The following TNIK variants were observed in gnomAD, a reference collection of about 807,000 sequenced individuals.
TNIK encodes TRAF2 and NCK interacting kinase, also known as TRAF2 and NCK-interacting protein kinase.
A neutral mutation model predicts 191.3 loss-of-function variants in TNIK; 49 were observed. That is an observed-to-expected ratio of 0.26 (90% CI 0.20 to 0.32). TNIK has a LOEUF of 0.32. Ranked by LOEUF, TNIK falls within the 10% of genes least tolerant of loss-of-function variation. TNIK has a pLI of 1.00. For synonymous variants in TNIK, 594 were observed against 600.9 expected (o/e 0.99, Z 0.17); for missense variants, 1,155 against 1,702.3 (o/e 0.68, Z 5.66).
intron 7 of TNIK, among the ~76,000 whole-genome samples, chr3:171,180,915 G>T (rs954492403): frequency 1.3e-5 from 2 of 152,174 alleles, no homozygotes; most frequent in African/African-American, 2.4e-5. Context: ...ACTCAATAAA[G>T]GTACTGAGAT....
intron 7 of TNIK, among the ~76,000 whole-genome samples, chr3:171,182,965 A>G (rs1024193776): frequency 1.3e-5 from 2 of 152,216 alleles, no homozygotes; most frequent in African/African-American, 2.4e-5. Flanking sequence ...TTCAATAAGG[A>G]AGAATATGCA....
chr3:171,319,450 A>C (rs550848820), intron 2 of TNIK, among the ~76,000 whole-genome samples: 27 of 152,272 alleles, frequency 1.8e-4, no homozygotes, highest in Non-Finnish European at 5.9e-5. Context: ...TACTACGGCT[A>C]ATAAAACATG....
intron 2 of TNIK, among the ~76,000 whole-genome samples, chr3:171,325,557 A>G (rs981918666): frequency 5.9e-5 from 9 of 152,148 alleles, no homozygotes; most frequent in Admixed American, 3.9e-4. Context: ...TTAATTCTAA[A>G]TTCAACTTAA....
Position 171,424,243 on chromosome 3 carries a change from C to T in TNIK, c.57+35764G>A, listed in dbSNP as rs547754308. The stretch of plus-strand genomic sequence containing the variant: ...AGACACATGAAAAAATGCTCATCAT[C>T]ACTTGCCATCAGAGAAATGCAAATC... On this transcript the variant is annotated intron_variant, in intron 1 of 32. Transcript: ENST00000436636. Among the ~76,000 whole-genome samples, 3 of 152,310 alleles carry T rather than the reference C, an allele frequency of 2.0e-5. No individual in the cohort carries two copies. The East Asian group carries it at 5.8e-4, about 29-fold the overall frequency.
At chr3:171,319,596 C>T (rs1350922449) in intron 2 of TNIK, among the ~76,000 whole-genome samples, 1 of 151,938 alleles carries the variant, frequency 6.6e-6, no homozygotes, top group Non-Finnish European at 1.5e-5. Flanking sequence ...CTGGCTGACC[C>T]GACAGACAAA....
intron 3 of TNIK, chr3:171,225,749 T>C (rs1211121051): frequency 2.5e-6 from 1 of 398,694 alleles, no homozygotes; most frequent in Non-Finnish European, 5.0e-6. Context: ...CTTGTGAGGC[T>C]TTAAATTGTT....
intron 2 of TNIK, among the ~76,000 whole-genome samples, chr3:171,353,904 G>T (rs1008046059): frequency 2.6e-5 from 4 of 152,060 alleles, no homozygotes; most frequent in Non-Finnish European, 4.4e-5. Context: ...TAATATCTAT[G>T]ATTTCTTAAA....
At chr3:171,321,316 T>C (rs966682435) in intron 2 of TNIK, among the ~76,000 whole-genome samples, 10 of 152,208 alleles carry the variant, frequency 6.6e-5, no homozygotes, top group African/African-American at 2.4e-4. Context: ...AGAAGGACTT[T>C]CTTTTGGCTA....
Position 171,142,279 on chromosome 3 carries a change from C to G in TNIK, c.1222-1770G>C, listed in dbSNP as rs950149231. Among the ~76,000 whole-genome samples, 57 of 152,296 alleles carry G rather than the reference C, an allele frequency of 3.7e-4. 2 individuals carry two copies. Among genetic ancestry groups the G allele is most frequent in the African/African-American group, 1.3e-3 (53 of 41,556 alleles). On this transcript the variant is annotated intron_variant, in intron 12 of 32. Transcript: ENST00000436636. The stretch of plus-strand genomic sequence containing the variant: ...CCATGAAAAGGGGCAAGACTAGAAG[C>G]TGAAAAGCAGTGCAAGGCCATTCTG...
intron 2 of TNIK, among the ~76,000 whole-genome samples, chr3:171,253,589 T>TCCCCCCCCCC (rs67388870): frequency 1.6e-5 from 2 of 121,542 alleles, no homozygotes; most frequent in Non-Finnish European, 3.4e-5. Context: ...AGAAGACAGG[T>TCCCCCCCCCC]CCCCCCCCCA....
At chr3:171,138,706 G>A (rs139748588) in intron 14 of TNIK, among the ~76,000 whole-genome samples, 13 of 151,926 alleles carry the variant, frequency 8.6e-5, no homozygotes, top group East Asian at 3.9e-4. Context: ...TTAAATGGTC[G>A]GCATACAACT....
At chr3:171,166,735 G>A (rs1734663286) in intron 10 of TNIK, among the ~76,000 whole-genome samples, 1 of 152,134 alleles carries the variant, frequency 6.6e-6, no homozygotes, top group Non-Finnish European at 1.5e-5. Flanking sequence ...TCAACTAGAT[G>A]AATTTTTTTC....
chr3:171,237,229 C>G (rs142015154), intron 2 of TNIK, among the ~76,000 whole-genome samples: 86 of 152,266 alleles, frequency 5.6e-4, no homozygotes, highest in Non-Finnish European at 1.1e-3. Flanking sequence ...AATAAACCCT[C>G]TCCCACGGTG....
intron 2 of TNIK, among the ~76,000 whole-genome samples, chr3:171,312,624 T>G (rs1268751892): frequency 6.6e-6 from 1 of 152,008 alleles, no homozygotes; most frequent in Non-Finnish European, 1.5e-5. Context: ...TTAGCTGGGG[T>G]CTCTTTCCTG....
At position 171,110,869 on chromosome 3, in the gene TNIK, T is replaced by A. The variant is rs747491764; in HGVS notation, c.2129A>T (p.Asp710Val). 1.9e-6 allele frequency: 3 copies of A among 1,601,728 alleles called. No homozygotes were observed. The highest frequency in any genetic ancestry group is 1.7e-6 in the Non-Finnish European group (2 of 1,174,860). ...CAAGATGGGCTCAGTTCTCCGGAGA[T>A]CAGGGTTGCTGTGTGAGTGACAGAG... is the stretch of plus-strand genomic sequence containing the variant. ...GSQPIRASNPDLRRTEPILES... is the reference protein window; with the variant it reads ...GSQPIRASNPVLRRTEPILES... Residue 710 changes from aspartate (D) to valine (V), a missense_variant, in exon 19 of 33, where the codon GAT (aspartate) becomes GTT (valine). This residue lies in a region of TNIK where 735 missense variants were observed against 848.0 expected (regional missense o/e 0.87). Transcript: ENST00000436636.
chr3:171,432,496 A>T (rs1482593686), intron 1 of TNIK, among the ~76,000 whole-genome samples: 1 of 152,246 alleles, frequency 6.6e-6, no homozygotes, highest in Non-Finnish European at 1.5e-5. Context: ...TGCCTAAAAA[A>T]GTAATTTCCA....
Position 171,460,262 on chromosome 3 carries a change from G to A in TNIK, c.-199C>T, listed in dbSNP as rs2108754277. 1 of 662,136 alleles carries A rather than the reference G, an allele frequency of 1.5e-6. No individual in the cohort carries two copies. The allele number at this position is 662,136 out of a possible 1,614,324, so 41.0% of individuals were successfully genotyped here. On this transcript the variant is annotated 5_prime_UTR_variant, in exon 1 of 33. Coordinates refer to ENST00000436636, the MANE Select transcript of TNIK (RefSeq NM_015028.4). The surrounding 1 kb of genome is among the most constrained non-coding windows in gnomAD (Gnocchi z 6.8). Reference sequence around the variant, plus strand: ...TCGGTCCGCCGGGTCCGGGAGCCCAGCCTGCGCGGATCTCCAAGCCCCGAG... The same window carrying A: ...TCGGTCCGCCGGGTCCGGGAGCCCAACCTGCGCGGATCTCCAAGCCCCGAG...
chr3:171,393,933 T>G (rs1719889313), intron 1 of TNIK, among the ~76,000 whole-genome samples: 1 of 152,250 alleles, frequency 6.6e-6, no homozygotes, highest in Non-Finnish European at 1.5e-5. Context: ...TTGACATTTC[T>G]GGAATTGGGA....
chr3:171,087,323 G>C lies in TNIK; in HGVS notation c.2886+19C>G. ...GAAGGACAGCAGAACTGTCATGTCA[G>C]CTGTTGCCCAGCACCTACTTCAGTC... On this transcript the variant is annotated intron_variant, in intron 24 of 32. Transcript: ENST00000436636. The C allele has an allele frequency of 6.2e-7, 1 of 1,613,420 alleles. No individual in the cohort carries two copies. Among genetic ancestry groups the C allele is most frequent in the Non-Finnish European group, 8.5e-7 (1 of 1,179,632 alleles).
Sources: allele counts gnomAD v4.1 joint callset (sites outside exome capture counted in the v4.1 genomes callset), GRCh38; gene constraint gnomAD v4.1.1; regional missense constraint gnomAD v4.1.1; non-coding constraint Gnocchi (gnomAD v3.1); transcripts MANE v1.5; gene names NCBI Gene and HGNC (gene_info 2026-07-23, HGNC 2026-07-21).